The following DENND1A variants were observed in gnomAD, a reference collection of about 807,000 sequenced individuals.
DENND1A encodes DENN domain containing 1A, also known as DENN domain-containing protein 1A.
In DENND1A, 51 loss-of-function variants were observed where a neutral mutation model predicts 113.7. The observed-to-expected ratio is 0.45, with a 90% CI of 0.36 to 0.57. DENND1A has a LOEUF of 0.57. DENND1A is among the 20% of genes least tolerant of loss of function. DENND1A has a pLI of 0.00. For missense variants in DENND1A, 1,258 were observed against 1,395.9 expected (o/e 0.90, Z 1.57); for synonymous variants, 565 against 570.8 (o/e 0.99, Z 0.14).
At chr9:123,398,566 A>G (rs1350572475) in intron 21 of DENND1A, among the ~76,000 whole-genome samples, 2 of 150,494 alleles carry the variant, frequency 1.3e-5, no homozygotes, top group Non-Finnish European at 3.0e-5. Context: ...TTTAGTAGAG[A>G]CGGGGTTTCA....
intron 2 of DENND1A, among the ~76,000 whole-genome samples, chr9:123,830,875 A>G (rs1346803369): frequency 2.4e-4 from 4 of 16,718 alleles, no homozygotes; most frequent in Admixed American, 1.6e-3. Context: ...TCAAAAATGA[A>G]AAAAAAAAAA....
chr9:123,594,055 G>A lies in DENND1A; in HGVS notation c.766-10785C>T, dbSNP rs550593869. ...TGGGGCCTCCCCAGCCATGCTTCCT[G>A]TACAGCCTGCAGAACCCTGAGCCAA... is the stretch of plus-strand genomic sequence containing the variant. On this transcript the variant is annotated intron_variant, in intron 11 of 23. Coordinates refer to ENST00000394215, the MANE Select transcript of DENND1A (RefSeq NM_001352964.2). 2.0e-5 allele frequency among the ~76,000 whole-genome samples: 3 copies of A among 152,166 alleles called. No homozygotes were observed. The South Asian group carries it at 6.2e-4, about 32-fold the overall frequency.
chr9:123,505,697 G>A (rs1379431556), intron 13 of DENND1A, among the ~76,000 whole-genome samples: 1 of 152,054 alleles, frequency 6.6e-6, no homozygotes, highest in Non-Finnish European at 1.5e-5. Flanking sequence ...TGGCTGAACC[G>A]GAACGTGAAA....
chr9:123,533,253 C>T (rs546572876), intron 13 of DENND1A, among the ~76,000 whole-genome samples: 8 of 152,318 alleles, frequency 5.3e-5, no homozygotes, highest in Admixed American at 1.3e-4. Context: ...AGATATGTTT[C>T]GGTACACATT....
At chr9:123,896,851 C>T (rs1182111080) in intron 1 of DENND1A, among the ~76,000 whole-genome samples, 1 of 152,020 alleles carries the variant, frequency 6.6e-6, no homozygotes, top group African/African-American at 2.4e-5. Flanking sequence ...AAAAGCTACA[C>T]AAGATAAACG....
intron 20 of DENND1A, among the ~76,000 whole-genome samples, chr9:123,406,720 T>C (rs2043882607): frequency 3.3e-5 from 5 of 152,194 alleles, no homozygotes; most frequent in Admixed American, 3.3e-4. Context: ...TCCCCAGCTC[T>C]GGCAGCTGGT....
intron 19 of DENND1A, among the ~76,000 whole-genome samples, chr9:123,419,811 G>C (rs2045085923): frequency 6.6e-6 from 1 of 152,200 alleles, no homozygotes; most frequent in South Asian, 2.1e-4. Flanking sequence ...CTCTCACCTA[G>C]CCCCCAGCGC....
In DENND1A at chr9:123,559,292, C is replaced by T. The variant is rs77641256; in HGVS notation, c.868-1597G>A. On this transcript the variant is annotated intron_variant, in intron 12 of 23. Transcript: ENST00000394215. ...TTCATCTTGAGAGAGAAACAGAAAA[C>T]TAATGATTGGTTTTAAGCATGCAGG... Among the ~76,000 whole-genome samples the T allele has an allele frequency of 5.5e-4, 84 of 152,220 alleles. 1 individual carries two copies. The highest frequency in any genetic ancestry group is 9.0e-4 in the Non-Finnish European group (61 of 68,026).
intron 5 of DENND1A, among the ~76,000 whole-genome samples, chr9:123,700,647 C>A (rs1028756441): frequency 2.0e-5 from 3 of 152,146 alleles, no homozygotes; most frequent in Admixed American, 6.5e-5. Flanking sequence ...GGATGAGGAC[C>A]ACCAACATTA....
chr9:123,674,595 G>C (rs991774012), intron 6 of DENND1A, among the ~76,000 whole-genome samples: 1 of 152,144 alleles, frequency 6.6e-6, no homozygotes, highest in Non-Finnish European at 1.5e-5. Context: ...TTAACCAAAG[G>C]GGGAAGAAAA....
At chr9:123,854,258 C>G (rs764440214) in intron 2 of DENND1A, among the ~76,000 whole-genome samples, 18 of 152,190 alleles carry the variant, frequency 1.2e-4, no homozygotes, top group Non-Finnish European at 2.4e-4. Context: ...GATTCTCCTG[C>G]CCGGGAACTT....
At chr9:123,883,513 C>T (rs1277806450) in intron 1 of DENND1A, among the ~76,000 whole-genome samples, 1 of 152,124 alleles carries the variant, frequency 6.6e-6, no homozygotes, top group Non-Finnish European at 1.5e-5. Flanking sequence ...AGGTAGGACC[C>T]AAGAATTGTA....
intron 10 of DENND1A, among the ~76,000 whole-genome samples, chr9:123,618,901 C>A (rs578008858): frequency 1.2e-4 from 18 of 152,304 alleles, no homozygotes; most frequent in African/African-American, 3.6e-4. Flanking sequence ...ATAGACCTTT[C>A]GCTTTTTGCT....
At position 123,874,847 on chromosome 9, in the gene DENND1A, A is replaced by C. The variant is rs146863433; in HGVS notation, c.88+4104T>G. 2.6e-4 allele frequency among the ~76,000 whole-genome samples: 40 copies of C among 152,332 alleles called. No homozygotes were observed. The East Asian group carries it at 7.3e-3, about 28-fold the overall frequency. ...TGCAGGTGGGAGTACAGACTGGCAC[A>C]ATCCATTTTGTAAAAGTATGGCATG... On this transcript the variant is annotated intron_variant, in intron 2 of 23. Transcript: ENST00000394215.
chr9:123,888,744 G>A (rs1849463443), intron 1 of DENND1A, among the ~76,000 whole-genome samples: 1 of 152,186 alleles, frequency 6.6e-6, no homozygotes, highest in South Asian at 2.1e-4. Context: ...ACAACTAAAT[G>A]CAATGTGTGA....
At chr9:123,494,841 G>T (rs1042227728) in intron 13 of DENND1A, among the ~76,000 whole-genome samples, 5 of 151,946 alleles carry the variant, frequency 3.3e-5, no homozygotes, top group Non-Finnish European at 7.4e-5. Flanking sequence ...GCCCAGGTTG[G>T]AGTGCAGTGG....
intron 8 of DENND1A, among the ~76,000 whole-genome samples, chr9:123,660,960 C>A (rs2063204471): frequency 6.6e-6 from 1 of 152,172 alleles, no homozygotes; most frequent in African/African-American, 2.4e-5. Context: ...GTGAGTAGAG[C>A]CCAGAGATGC....
chr9:123,691,596 T>C (rs151327852), intron 5 of DENND1A, among the ~76,000 whole-genome samples: 83 of 150,746 alleles, frequency 5.5e-4, no homozygotes, highest in African/African-American at 1.9e-3. Flanking sequence ...TTGGCAATAG[T>C]AGAGATGAAA....
At chr9:123,557,391 C>T (rs2057480581) in intron 13 of DENND1A, among the ~76,000 whole-genome samples, 179 bp downstream of exon 13, 2 of 152,200 alleles carry the variant, frequency 1.3e-5, no homozygotes, top group Admixed American at 6.5e-5. Context: ...CATGATAGCA[C>T]AGCCTCCTTG....
Sources: allele counts gnomAD v4.1 joint callset (sites outside exome capture counted in the v4.1 genomes callset), GRCh38; gene constraint gnomAD v4.1.1; transcripts MANE v1.5; gene names NCBI Gene and HGNC (gene_info 2026-07-23, HGNC 2026-07-21).